Variants in SLIT2 observed in about 807,000 individuals in gnomAD.
SLIT2 encodes slit guidance ligand 2, also known as slit homolog 2 protein.
A neutral mutation model predicts 185.7 loss-of-function variants in SLIT2; 41 were observed. The observed-to-expected ratio is 0.22, with a 90% confidence interval of 0.17 to 0.29. The LOEUF is 0.29. Among genes scored for constraint, SLIT2 ranks in the 10% least tolerant of loss-of-function variants. The probability of loss-of-function intolerance (pLI) is 1.00; values close to 1 mark genes in which losing one functional copy is unlikely to be tolerated. For synonymous variants in SLIT2, 693 were observed against 680.2 expected (o/e 1.02, Z -0.29); for missense variants, 1,571 against 1,909.0 (o/e 0.82, Z 3.30).
chr4:20,458,033 C>A (rs1444563090), intron 4 of SLIT2, among the ~76,000 whole-genome samples: 1 of 149,144 alleles, frequency 6.7e-6, no homozygotes, highest in Non-Finnish European at 1.5e-5. Flanking sequence ...TGGAATGGAG[C>A]CAAGGATTTC....
At chr4:20,487,363 A>G (rs1272411798) in intron 7 of SLIT2, among the ~76,000 whole-genome samples, 1 of 152,200 alleles carries the variant, frequency 6.6e-6, no homozygotes, top group Non-Finnish European at 1.5e-5. Flanking sequence ...CAGTAACTTC[A>G]GGTATTTTTT....
At chr4:20,273,510 T>A (rs1560273806) in intron 4 of SLIT2, among the ~76,000 whole-genome samples, 2 of 152,086 alleles carry the variant, frequency 1.3e-5, no homozygotes, top group African/African-American at 2.4e-5. Flanking sequence ...GTAACTTGAA[T>A]GAGCAAATAG....
In SLIT2 at chr4:20,336,604, A is replaced by C. The variant is rs144178086; in HGVS notation, c.395+67723A>C. On this transcript the variant is annotated intron_variant, in intron 4 of 36. Coordinates refer to ENST00000504154, the MANE Select transcript of SLIT2 (RefSeq NM_004787.4). ...TAGATGATGAGTTAATGGGTGCAGC[A>C]CACCAACATGGCACATGTATACATA... Among the ~76,000 whole-genome samples, 1,104 of 152,286 alleles carry C rather than the reference A, an allele frequency of 7.2e-3. 22 individuals are homozygous for C. The highest frequency in any genetic ancestry group is 0.025 in the African/African-American group (1,023 of 41,558).
intron 4 of SLIT2, among the ~76,000 whole-genome samples, chr4:20,421,141 T>C (rs1728144974): frequency 6.6e-6 from 1 of 152,132 alleles, no homozygotes; most frequent in Non-Finnish European, 1.5e-5. Flanking sequence ...GATATTAAAA[T>C]GGGGATGACC....
Position 20,272,900 on chromosome 4 carries a change from A to C in SLIT2, c.395+4019A>C, listed in dbSNP as rs575105499. On this transcript the variant is annotated intron_variant, in intron 4 of 36. Coordinates refer to ENST00000504154, the MANE Select transcript of SLIT2 (RefSeq NM_004787.4). ...AGTTTTGGAGCGACTAAATTATCTA[A>C]CATTAGGAATGGTATTTTTAAGGCC... Among the ~76,000 whole-genome samples, 3 of 152,160 alleles carry C rather than the reference A, an allele frequency of 2.0e-5. No homozygotes were observed. In the East Asian group the frequency reaches 5.8e-4, roughly 29 times the overall value.
chr4:20,526,176 A>G (rs1310647190), intron 15 of SLIT2, among the ~76,000 whole-genome samples: 2 of 151,828 alleles, frequency 1.3e-5, no homozygotes, highest in Admixed American at 1.3e-4. Flanking sequence ...CTTAAGAAGA[A>G]CTCTGGGTTT....
chr4:20,409,100 A>C (rs1015807095), intron 4 of SLIT2, among the ~76,000 whole-genome samples: 1 of 152,104 alleles, frequency 6.6e-6, no homozygotes, highest in African/African-American at 2.4e-5. Flanking sequence ...TTGGGGTACC[A>C]TGTGCAGGAT....
intron 9 of SLIT2, among the ~76,000 whole-genome samples, chr4:20,506,833 C>G (rs1719254377): frequency 6.6e-6 from 1 of 151,970 alleles, no homozygotes; most frequent in African/African-American, 2.4e-5. Context: ...GAATCTGTCC[C>G]TCTGAATGAA....
chr4:20,414,093 AT>A (rs1478991479), intron 4 of SLIT2, among the ~76,000 whole-genome samples: 1 of 151,996 alleles, frequency 6.6e-6, no homozygotes, highest in African/African-American at 2.4e-5. Context: ...CTAAGGTGCA[AT>A]TTTAATTCCC....
chr4:20,403,789 G>A (rs2109405645), intron 4 of SLIT2, among the ~76,000 whole-genome samples: 2 of 151,722 alleles, frequency 1.3e-5, no homozygotes, highest in South Asian at 4.1e-4. Flanking sequence ...TGCAGGTGCA[G>A]ATCTTACATA....
At chr4:20,266,488 T>C (rs980074725) in intron 3 of SLIT2, among the ~76,000 whole-genome samples, 15 of 151,972 alleles carry the variant, frequency 9.9e-5, no homozygotes, top group African/African-American at 3.6e-4. Flanking sequence ...CAGAGGAATG[T>C]TGGCTTAATA....
intron 9 of SLIT2, among the ~76,000 whole-genome samples, chr4:20,494,512 C>T (rs1298790296): frequency 6.6e-6 from 1 of 152,160 alleles, no homozygotes; most frequent in African/African-American, 2.4e-5. Flanking sequence ...TGCAGTGGCT[C>T]ACGCCTGTAA....
chr4:20,368,466 A>T (rs1723316452), intron 4 of SLIT2, among the ~76,000 whole-genome samples: 1 of 152,098 alleles, frequency 6.6e-6, no homozygotes. Context: ...AAATAATTAT[A>T]TGTGTGTTTG....
At position 20,567,561 on chromosome 4, in the gene SLIT2, C is replaced by T. The variant is rs374116662; in HGVS notation, c.2894C>T (p.Pro965Leu). 4 of 1,613,370 alleles carry T rather than the reference C, an allele frequency of 2.5e-6. 1 individual carries two copies. The highest frequency in any genetic ancestry group is 3.4e-6 in the Non-Finnish European group (4 of 1,179,516). Residue 965 changes from proline (P) to leucine (L), a missense_variant, in exon 28 of 37, where the codon CCA becomes CTA. Coordinates refer to ENST00000504154, the MANE Select transcript of SLIT2 (RefSeq NM_004787.4). ...DVPIHACISN[P>L]CKHGGTCHLK... ...CCAATTCATGCCTGCATCAGTAACC[C>T]ATGTAAACATGGAGGAACTTGCCAC...
intron 4 of SLIT2, among the ~76,000 whole-genome samples, chr4:20,466,533 G>A (rs1363934510): frequency 3.3e-5 from 5 of 152,112 alleles, no homozygotes; most frequent in Non-Finnish European, 5.9e-5. Flanking sequence ...AGGATATTGA[G>A]ATATAAATGC....
chr4:20,408,144 C>T (rs1726916530), intron 4 of SLIT2, among the ~76,000 whole-genome samples: 1 of 152,104 alleles, frequency 6.6e-6, no homozygotes, highest in Non-Finnish European at 1.5e-5. Context: ...ACGGGTTTTA[C>T]TCATTTGTTT....
chr4:20,519,410 C>G lies in SLIT2; in HGVS notation c.1087C>G (p.Leu363Val), dbSNP rs994441048. Residue 363 changes from leucine to valine, a missense_variant, in exon 12 of 37, where the codon CTC becomes GTC. By Grantham distance (32) the Leu-to-Val change is conservative. Transcript: ENST00000504154. ...LVLYGNKITE[L>V]PKSLFEGLFS... ...CCTCTATGGAAATAAAATCACAGAA[C>G]TCCCCAAAAGTTTATTTGAAGGACT... 3 of 1,591,484 alleles carry G rather than the reference C, an allele frequency of 1.9e-6. No individual in the cohort carries two copies. Among genetic ancestry groups the G allele is most frequent in the Non-Finnish European group, 2.6e-6 (3 of 1,160,740 alleles).
At chr4:20,327,213 G>A (rs898371063) in intron 4 of SLIT2, among the ~76,000 whole-genome samples, 1 of 151,870 alleles carries the variant, frequency 6.6e-6, no homozygotes, top group South Asian at 2.1e-4. Context: ...AGCAACATTT[G>A]CCAGAATATT....
chr4:20,607,348 T>C (rs1728868738), intron 33 of SLIT2, among the ~76,000 whole-genome samples: 1 of 152,204 alleles, frequency 6.6e-6, no homozygotes, highest in Non-Finnish European at 1.5e-5. Flanking sequence ...ATGCTTGAAG[T>C]GTAATGATTA....
Sources: allele counts gnomAD v4.1 joint callset (sites outside exome capture counted in the v4.1 genomes callset), GRCh38; gene constraint gnomAD v4.1.1; transcripts MANE v1.5; gene names NCBI Gene and HGNC (gene_info 2026-07-23, HGNC 2026-07-21).